Variants in SCAF8 observed in about 807,000 individuals in gnomAD.
SCAF8 encodes SR-related CTD associated factor 8.
Under a neutral mutation model 140.5 loss-of-function variants are expected in SCAF8, and 23 were observed. That is an observed-to-expected ratio of 0.16 (90% CI 0.12 to 0.23). The LOEUF (loss-of-function observed/expected upper bound fraction) is 0.23. Among genes scored for constraint, SCAF8 ranks in the 10% least tolerant of loss-of-function variants. The probability of loss-of-function intolerance (pLI) is 1.00; values close to 1 mark genes in which losing one functional copy is unlikely to be tolerated. For synonymous variants in SCAF8, 575 were observed against 528.9 expected (o/e 1.09, Z -1.20); for missense variants, 1,397 against 1,555.7 (o/e 0.90, Z 1.72).
intron 1 of SCAF8, among the ~76,000 whole-genome samples, chr6:154,752,941 C>T (rs1010075036): frequency 2.6e-5 from 4 of 152,002 alleles, no homozygotes; most frequent in African/African-American, 7.3e-5. Context: ...TTCATTGTTC[C>T]GTTAAATCCA....
rs549008465 is a variant in SCAF8 at position 154,776,893 on chromosome 6, AAAG to A, written c.115-1104_115-1102del. On this transcript the variant is annotated intron_variant, in intron 2 of 19. Transcript: ENST00000367178. Reference sequence around the variant, plus strand: ...GCATAATTCACGAGAAGAAAAGTATAAAGAAGGCTGGGCGCAGTGGCTCACGCC... The same window carrying A: ...GCATAATTCACGAGAAGAAAAGTATAAAGGCTGGGCGCAGTGGCTCACGCC... 7.4e-3 allele frequency among the ~76,000 whole-genome samples: 1,130 copies of A among 152,342 alleles called. 17 individuals are homozygous for A. The highest frequency in any genetic ancestry group is 0.026 in the African/African-American group (1,078 of 41,578).
chr6:154,829,984 T>G (rs2114695360), intron 18 of SCAF8, among the ~76,000 whole-genome samples: 1 of 152,320 alleles, frequency 6.6e-6, no homozygotes, highest in South Asian at 2.1e-4. Flanking sequence ...TTTCTGAAAA[T>G]TAGACAAAGT....
chr6:154,777,622 T>G (rs1441603136), intron 2 of SCAF8, among the ~76,000 whole-genome samples: 2 of 152,258 alleles, frequency 1.3e-5, no homozygotes, highest in African/African-American at 4.8e-5. Context: ...AAAATCATAC[T>G]GTATGAAATC....
At chr6:154,816,976 T>A (rs1445758665) in intron 13 of SCAF8, among the ~76,000 whole-genome samples, 3 of 152,194 alleles carry the variant, frequency 2.0e-5, no homozygotes, top group Admixed American at 6.5e-5. Flanking sequence ...CTTGGGTACT[T>A]CAGATTTCTC....
intron 1 of SCAF8, among the ~76,000 whole-genome samples, chr6:154,761,024 A>G (rs139064503): frequency 6.8e-6 from 1 of 146,980 alleles, no homozygotes; most frequent in African/African-American, 2.5e-5. Context: ...CTTGTCTTGA[A>G]CTCCTGGCCT....
intron 1 of SCAF8, among the ~76,000 whole-genome samples, chr6:154,770,563 G>A (rs577777694): frequency 5.3e-5 from 8 of 151,760 alleles, no homozygotes; most frequent in African/African-American, 1.9e-4. Flanking sequence ...GACAAAGCAA[G>A]ACCCTGTCTG....
intron 2 of SCAF8, among the ~76,000 whole-genome samples, chr6:154,776,611 A>G (rs1182700473): frequency 1.3e-5 from 2 of 152,270 alleles, no homozygotes; most frequent in Non-Finnish European, 1.5e-5. Flanking sequence ...TTGCATATTG[A>G]TTTTTAAATG....
intron 3 of SCAF8, among the ~76,000 whole-genome samples, chr6:154,787,290 C>G (rs574287702): frequency 6.6e-6 from 1 of 152,222 alleles, no homozygotes; most frequent in African/African-American, 2.4e-5. Context: ...CCTGAGAGGT[C>G]GGGGTTGTAG....
At chr6:154,745,627 T>C (rs188075217) in intron 1 of SCAF8, among the ~76,000 whole-genome samples, 9 of 152,286 alleles carry the variant, frequency 5.9e-5, no homozygotes, top group Non-Finnish European at 1.2e-4. Flanking sequence ...CCCTACTGTG[T>C]AGTTACTGTC....
intron 8 of SCAF8, among the ~76,000 whole-genome samples, chr6:154,804,036 A>AT (rs113754395): frequency 0.017 from 2,584 of 147,960 alleles, 75 homozygotes; most frequent in African/African-American, 0.058. Flanking sequence ...AGTTATGAGG[A>AT]TTTTTTTTTT....
intron 5 of SCAF8, among the ~76,000 whole-genome samples, chr6:154,794,792 T>G (rs1242575806): frequency 1.2e-4 from 6 of 52,102 alleles, no homozygotes; most frequent in East Asian, 2.2e-3. Flanking sequence ...TGTGTGTGTG[T>G]GTGTGTGTGT....
chr6:154,827,515 T>C (rs1199600251), intron 18 of SCAF8, among the ~76,000 whole-genome samples: 3 of 152,200 alleles, frequency 2.0e-5, no homozygotes, highest in Non-Finnish European at 2.9e-5. Context: ...GTATTAAATG[T>C]CTTAATGTTA....
intron 11 of SCAF8, among the ~76,000 whole-genome samples, chr6:154,809,094 C>G (rs947208115): frequency 1.3e-5 from 2 of 151,896 alleles, no homozygotes; most frequent in East Asian, 3.8e-4. Context: ...TATTGTTGCC[C>G]CTGAACAACA....
At chr6:154,815,900 C>G in intron 13 of SCAF8, 84 bp downstream of exon 13, 1 of 695,936 alleles carries the variant, frequency 1.4e-6, no homozygotes, top group Non-Finnish European at 2.5e-6. Context: ...CCTAATTAGC[C>G]CAGTAATGTC....
intron 17 of SCAF8, among the ~76,000 whole-genome samples, chr6:154,826,796 T>C (rs1031216940): frequency 4.6e-5 from 7 of 152,212 alleles, no homozygotes. Flanking sequence ...AATATAGTGT[T>C]ATCCAGAGTT....
At chr6:154,812,770 A>G (rs1778134160) in intron 12 of SCAF8, among the ~76,000 whole-genome samples, 2 of 152,312 alleles carry the variant, frequency 1.3e-5, no homozygotes, top group South Asian at 4.1e-4. Context: ...AGAATCATTA[A>G]TGCTTTCTGG....
rs147675499 is a variant in SCAF8 at position 154,833,153 on chromosome 6, C to T, written c.3574C>T (p.His1192Tyr). ...TCAAAACACTTGGGTTCCCCCTCCT[C>T]ATGCTCGGGTTTTTGATTATTTTGA... The part of the protein sequence containing the change: ...RIQNTWVPPP[H>Y]ARVFDYFEGA... Residue 1192 changes from histidine (H) to tyrosine (Y), a missense_variant, in exon 20 of 20, where the codon CAT becomes TAT. Physicochemically the swap from His to Tyr is moderately conservative, Grantham distance 83 (BLOSUM62 2). Around this residue, in one of 5 missense-constraint regions of SCAF8, gnomAD observed 930 missense variants for 874.6 expected, o/e 1.06. Transcript: ENST00000367178. 21 of 1,613,974 alleles carry T rather than the reference C, an allele frequency of 1.3e-5. No homozygotes were observed. The highest frequency in any genetic ancestry group is 1.5e-5 in the Non-Finnish European group (18 of 1,180,000).
chr6:154,827,066 T>C, intron 17 of SCAF8, 106 bp from the exon 18 acceptor site: 1 of 855,516 alleles, frequency 1.2e-6, no homozygotes, highest in Non-Finnish European at 1.8e-6. Flanking sequence ...TATGAGGTTG[T>C]AGTCCATTTT....
At chr6:154,753,760 G>A (rs1778898530) in intron 1 of SCAF8, among the ~76,000 whole-genome samples, 1 of 152,194 alleles carries the variant, frequency 6.6e-6, no homozygotes, top group African/African-American at 2.4e-5. Flanking sequence ...GGTTATTTCT[G>A]AAGAAAGCAG....
Sources: allele counts gnomAD v4.1 joint callset (sites outside exome capture counted in the v4.1 genomes callset), GRCh38; gene constraint gnomAD v4.1.1; regional missense constraint gnomAD v4.1.1; transcripts MANE v1.5; gene names NCBI Gene and HGNC (gene_info 2026-07-23, HGNC 2026-07-21).